The following C3orf52 variants were observed in gnomAD, a reference collection of about 807,000 sequenced individuals.
C3orf52 encodes TPA-induced transmembrane protein.
Under a neutral mutation model 24.8 loss-of-function variants are expected in C3orf52, and 22 were observed. That is an observed-to-expected ratio of 0.89 (90% confidence interval 0.63 to 1.27). C3orf52 has a LOEUF of 1.27. Among genes scored for constraint, C3orf52 ranks in the 50% most tolerant of loss-of-function variants. C3orf52 has a pLI of 0.00. For synonymous variants in C3orf52, 93 were observed against 100.2 expected, an observed-to-expected ratio of 0.93 and a Z score of 0.43; for missense variants, 265 against 260.7, an observed-to-expected ratio of 1.02 and a Z score of -0.11.
chr3:112,116,886 TGG>T lies in C3orf52; in HGVS notation c.*244_*245del, dbSNP rs1183000950. The T allele has an allele frequency of 6.5e-6, 10 of 1,536,978 alleles. No homozygotes were observed. On this transcript the variant is annotated 3_prime_UTR_variant, in exon 6 of 6. Coordinates refer to ENST00000264848, the MANE Select transcript of C3orf52 (RefSeq NM_024616.3). ...GACAAAGGCAGGAAGCCAGCTAGGG[TGG>T]GGGCGATAGGGTCAGCGGGTATGTC...
At chr3:112,102,559 T>C (rs762855796) in intron 2 of C3orf52, among the ~76,000 whole-genome samples, 232 of 152,266 alleles carry the variant, frequency 1.5e-3, no homozygotes, top group Non-Finnish European at 2.9e-3. Context: ...ATATTCTTCC[T>C]ACTCCCTTGG....
Position 112,117,084 on chromosome 3 carries a change from ACT to A in C3orf52, c.*439_*440del. 1 of 659,342 alleles carries A rather than the reference ACT, an allele frequency of 1.5e-6. No individual in the cohort carries two copies. The highest frequency in any genetic ancestry group is 2.5e-6 in the Non-Finnish European group (1 of 392,604). The allele number at this position is 659,342 out of a possible 1,614,324, so 40.8% of individuals were successfully genotyped here. On this transcript the variant is annotated 3_prime_UTR_variant, in exon 6 of 6. Transcript: ENST00000264848. ...TACTTTTTCTTTAGTGCAGAGGTGC[ACT>A]GTCTTCTTTTAGGTGGGATCGCGTA...
intron 4 of C3orf52, chr3:112,111,572 A>T (rs1013020674): frequency 3.3e-5 from 5 of 152,208 alleles, no homozygotes; most frequent in Non-Finnish European, 5.9e-5. Context: ...GGGGATTAGG[A>T]TGGGCTGGCC....
chr3:112,109,056 C>CCTCTTTGT (rs1326422227), intron 3 of C3orf52, among the ~76,000 whole-genome samples: 10 of 152,092 alleles, frequency 6.6e-5, no homozygotes, highest in African/African-American at 2.4e-4. Flanking sequence ...TTGCAGTTCC[C>CCTCTTTGT]CTCTTTGTCT....
At chr3:112,096,421 C>T (rs2073927868) in intron 2 of C3orf52, among the ~76,000 whole-genome samples, 1 of 152,120 alleles carries the variant, frequency 6.6e-6, no homozygotes, top group Admixed American at 6.5e-5. Context: ...TTTATAATTG[C>T]ATAAGGGCAA....
downstream of C3orf52, among the ~76,000 whole-genome samples, chr3:112,118,677 C>T (rs559955565): frequency 2.1e-4 from 32 of 152,134 alleles, no homozygotes; most frequent in Middle Eastern, 3.4e-3. Flanking sequence ...TGAAAAAAAA[C>T]GGCCCTTACA....
At chr3:112,114,404 T>TAAA (rs34730547) in intron 5 of C3orf52, among the ~76,000 whole-genome samples, 34 of 122,260 alleles carry the variant, frequency 2.8e-4, no homozygotes, top group African/African-American at 8.1e-4. Context: ...TTACAGGAAT[T>TAAA]AAAAAAAAAA....
At chr3:112,130,273 G>C (rs563904967), downstream of C3orf52, 3 of 632,538 alleles carry the variant, frequency 4.7e-6, no homozygotes, top group African/African-American at 1.8e-5. Context: ...CATATCTCCT[G>C]TCCAAAGTTT....
At chr3:112,113,336 A>T (rs1308781746) in intron 5 of C3orf52, among the ~76,000 whole-genome samples, 191 bp downstream of exon 5, 1 of 152,212 alleles carries the variant, frequency 6.6e-6, no homozygotes, top group Non-Finnish European at 1.5e-5. Flanking sequence ...GAGGCTACAC[A>T]GTCCGTGCCC....
chr3:112,121,276 A>G (rs1576155158), downstream of C3orf52: 1 of 152,354 alleles, frequency 6.6e-6, no homozygotes, highest in African/African-American at 2.4e-5. Context: ...AAATTCTAGC[A>G]TAAACTCATT....
intron 4 of C3orf52, chr3:112,125,395 C>T: frequency 1.5e-6 from 1 of 659,738 alleles, no homozygotes; most frequent in African/African-American, 1.8e-5. Context: ...ATCTACAGCA[C>T]ATCCCTGGGG....
chr3:112,098,725 T>C (rs909919554), intron 2 of C3orf52, among the ~76,000 whole-genome samples: 6 of 152,124 alleles, frequency 3.9e-5, no homozygotes, highest in Non-Finnish European at 7.4e-5. Context: ...TCAGCACACA[T>C]TTGCTGTCTG....
intron 5 of C3orf52, 92 bp from the exon 6 acceptor site, chr3:112,116,550 C>A: frequency 8.3e-7 from 1 of 1,199,816 alleles, no homozygotes; most frequent in Non-Finnish European, 1.1e-6. Flanking sequence ...TAAGATTTTA[C>A]ACTAAAATTC....
chr3:112,088,370 G>A (rs1253246794), intron 1 of C3orf52, among the ~76,000 whole-genome samples: 1 of 152,220 alleles, frequency 6.6e-6, no homozygotes, highest in African/African-American at 2.4e-5. Flanking sequence ...TCTTTGAACT[G>A]TATATTAAGA....
chr3:112,093,380 G>C lies in C3orf52; in HGVS notation c.159G>C (p.Trp53Cys), dbSNP rs1431081669. ...TCTAGGCTAACAAGGAAAGCCCCTG[G>C]AGCTCCTGTAATAAGAATGTGGTTG... ...PPAEANKESP[W>C]SSCNKNVVGR... The change falls in exon 2 of 6, where the codon TGG (tryptophan) becomes TGC (cysteine). Residue 53 changes from tryptophan (W) to cysteine (C), a missense_variant. Physicochemically the swap from Trp to Cys is radical, Grantham distance 215. Transcript: ENST00000264848. 1 of 1,613,894 alleles carries C rather than the reference G, an allele frequency of 6.2e-7. No homozygotes were observed. The highest frequency in any genetic ancestry group is 8.5e-7 in the Non-Finnish European group (1 of 1,179,840).
intron 1 of C3orf52, among the ~76,000 whole-genome samples, chr3:112,090,398 G>A (rs764274112): frequency 2.0e-5 from 3 of 150,280 alleles, no homozygotes; most frequent in Admixed American, 6.7e-5. Flanking sequence ...GGGCTCAAGC[G>A]ATCCTCCCAC....
chr3:112,123,475 T>A (rs368320747), intron 4 of C3orf52: 4 of 1,613,768 alleles, frequency 2.5e-6, no homozygotes, highest in East Asian at 4.5e-5. Context: ...GAAAACTGAG[T>A]CTCAGAAGGG....
chr3:112,110,146 G>A (rs959126372), intron 4 of C3orf52, among the ~76,000 whole-genome samples: 5 of 151,984 alleles, frequency 3.3e-5, no homozygotes, highest in African/African-American at 9.7e-5. Context: ...CCTGGCCAAC[G>A]TGGTGAAACC....
downstream of C3orf52, chr3:112,132,530 C>A: frequency 2.5e-6 from 1 of 399,190 alleles, no homozygotes; most frequent in Non-Finnish European, 3.4e-6. Flanking sequence ...CACTAGAACT[C>A]TCTAAGGTAG....
Sources: allele counts gnomAD v4.1 joint callset (sites outside exome capture counted in the v4.1 genomes callset), GRCh38; gene constraint gnomAD v4.1.1; transcripts MANE v1.5; gene names NCBI Gene and HGNC (gene_info 2026-07-23, HGNC 2026-07-21).